The following LRP5 variants were observed in gnomAD, a reference collection of about 807,000 sequenced individuals.
LRP5 encodes the protein low-density lipoprotein receptor-related protein 5.
Under a neutral mutation model 154.1 loss-of-function variants are expected in LRP5, and 62 were observed. The ratio of observed to expected loss-of-function variants is 0.40; its 90% CI spans 0.33 to 0.50. The LOEUF (loss-of-function observed/expected upper bound fraction) is 0.50, where lower values mean the gene tolerates loss of function less well. Ranked by LOEUF, LRP5 falls within the 20% of genes least tolerant of loss-of-function variation. The pLI is 0.55. For synonymous variants in LRP5, 966 were observed against 1,011.5 expected (o/e 0.96, Z 0.85); for missense variants, 1,915 against 2,336.7 (o/e 0.82, Z 3.72).
chr11:68,325,794 G>A (rs1299768590), intron 1 of LRP5, among the ~76,000 whole-genome samples: 1 of 152,226 alleles, frequency 6.6e-6, no homozygotes, highest in Non-Finnish European at 1.5e-5. Context: ...CTGCTTCAGA[G>A]CTCAGTTTCC....
intron 10 of LRP5, 74 bp downstream of exon 10, chr11:68,410,214 G>GGT: frequency 8.1e-7 from 1 of 1,235,964 alleles, no homozygotes; most frequent in South Asian, 1.3e-5. Flanking sequence ...AACTGGGCAA[G>GGT]GTGGCAGGCT....
Position 68,363,888 on chromosome 11 carries a change from T to G in LRP5, c.828T>G (p.Ser276Arg). Residue 276 changes from serine (S) to arginine (R), a missense_variant, in exon 4 of 23, where the codon AGT becomes AGG. Ser to Arg is a moderately radical substitution (Grantham distance 110). Transcript: ENST00000294304. Reference sequence around the variant, plus strand: ...GGGGGAAGAGGAAGGAGATCCTGAGTGCCCTCTACTCACCCATGGACATCC... The same window carrying G: ...GGGGGAAGAGGAAGGAGATCCTGAGGGCCCTCTACTCACCCATGGACATCC... ...RTGGKRKEIL[S>R]ALYSPMDIQV... The G allele has an allele frequency of 6.2e-7, 1 of 1,610,984 alleles. No individual in the cohort carries two copies. The highest frequency in any genetic ancestry group is 8.5e-7 in the Non-Finnish European group (1 of 1,178,832).
chr11:68,325,958 A>AC (rs1408464087), intron 1 of LRP5, among the ~76,000 whole-genome samples: 1 of 151,022 alleles, frequency 6.6e-6, no homozygotes, highest in Non-Finnish European at 1.5e-5. Flanking sequence ...CATAGTGACG[A>AC]CCCCCCGGGG....
chr11:68,425,836 C>G lies in LRP5; in HGVS notation c.3428-142C>G, dbSNP rs191633500. 1.9e-3 allele frequency: 1,409 copies of G among 744,278 alleles called. 14 individuals are homozygous for G. Among genetic ancestry groups the G allele is most frequent in the African/African-American group, 0.019 (1,098 of 58,314 alleles). 46.1% of individuals were successfully genotyped at this position (744,278 alleles called of 1,614,324 possible). On this transcript the variant is annotated intron_variant, in intron 15 of 22. Transcript: ENST00000294304. ...TTGGGTCGGCCTGCTTCCAGGGACT[C>G]TGCTGCAGCTCCCACCCCTGTCCAA...
chr11:68,348,794 A>C (rs999370454), intron 2 of LRP5, among the ~76,000 whole-genome samples: 4 of 152,158 alleles, frequency 2.6e-5, no homozygotes, highest in Admixed American at 1.3e-4. Flanking sequence ...GTATACAAAA[A>C]TGAATCGGGT....
At chr11:68,406,463 C>A (rs1460320725) in intron 8 of LRP5, 61 bp from the exon 9 acceptor site, 41 of 1,557,350 alleles carry the variant, frequency 2.6e-5, no homozygotes, top group Non-Finnish European at 3.5e-5. Flanking sequence ...GTGGCTTGGC[C>A]GCACCCCTTT....
chr11:68,374,338 G>A (rs1452045425), intron 5 of LRP5, among the ~76,000 whole-genome samples: 1 of 152,186 alleles, frequency 6.6e-6, no homozygotes, highest in Non-Finnish European at 1.5e-5. Context: ...GTAGGTCAAA[G>A]GGAAAAAAGA....
At chr11:68,445,243 G>A (rs2098680769) in intron 21 of LRP5, among the ~76,000 whole-genome samples, 1 of 152,076 alleles carries the variant, frequency 6.6e-6, no homozygotes, top group South Asian at 2.1e-4. Context: ...GGGATTACAG[G>A]TGCCCGCCAC....
At chr11:68,408,868 T>TGA (rs1217785350) in intron 9 of LRP5, among the ~76,000 whole-genome samples, 13 of 151,400 alleles carry the variant, frequency 8.6e-5, no homozygotes, top group Non-Finnish European at 1.6e-4. Context: ...GGCAACATAG[T>TGA]GAGACCCCAT....
chr11:68,410,100 T>A lies in LRP5; in HGVS notation c.2278T>A (p.Leu760Met). The A allele has an allele frequency of 3.7e-6, 6 of 1,613,966 alleles. No individual in the cohort carries two copies. The highest frequency in any genetic ancestry group is 5.1e-6 in the Non-Finnish European group (6 of 1,180,018). Residue 760 changes from leucine (L) to methionine (M), a missense_variant, in exon 10 of 23, where the codon TTG (leucine) becomes ATG (methionine). Leu to Met is a conservative substitution (Grantham distance 15). Around this residue, in one of 3 missense-constraint regions of LRP5, gnomAD observed 773 missense variants for 1,100.9 expected, o/e 0.70. Transcript: ENST00000294304. ...QFRQVLVWRDLDNPRSLALDP... is the reference protein window; with the variant it reads ...QFRQVLVWRDMDNPRSLALDP... The stretch of plus-strand genomic sequence containing the variant: ...CCGGCAAGTCCTCGTGTGGAGGGAC[T>A]TGGACAACCCGAGGTCGCTGGCCCT...
rs541588582 is a variant in LRP5, at chr11:68,377,460, C to T, written c.1016-8856C>T. On this transcript the variant is annotated intron_variant, in intron 5 of 22. Coordinates refer to ENST00000294304, the MANE Select transcript of LRP5 (RefSeq NM_002335.4). Reference sequence around the variant, plus strand: ...TGGCCGGCCTCAGGTTCCAGCAGAGCCAGCATCGGGCCCAGCCACTTCCCT... The same window carrying T: ...TGGCCGGCCTCAGGTTCCAGCAGAGTCAGCATCGGGCCCAGCCACTTCCCT... 3.9e-5 allele frequency among the ~76,000 whole-genome samples: 6 copies of T among 152,336 alleles called. No individual in the cohort carries two copies. The South Asian group carries it at 1.2e-3, about 32-fold the overall frequency.
chr11:68,448,701 G>A (rs2098682750), intron 22 of LRP5, 108 bp from the exon 23 acceptor site: 1 of 1,400,702 alleles, frequency 7.1e-7, no homozygotes, highest in Admixed American at 1.7e-5. Context: ...TGCATCTTCT[G>A]GAGCTGGCCA....
Position 68,448,139 on chromosome 11 carries a change from C to T in LRP5, c.4587-670C>T, listed in dbSNP as rs73516827. 6.4e-3 allele frequency among the ~76,000 whole-genome samples: 981 copies of T among 152,240 alleles called. 11 individuals are homozygous for T. Among genetic ancestry groups the T allele is most frequent in the African/African-American group, 0.023 (945 of 41,540 alleles). ...GGGAACAGACAGCATGAGAACCAAG[C>T]GAAAGGGGTTTCCCCTTGTAAAACC... On this transcript the variant is annotated intron_variant, in intron 22 of 22. Coordinates refer to ENST00000294304, the MANE Select transcript of LRP5 (RefSeq NM_002335.4).
chr11:68,310,163 A>G (rs911263714), upstream of LRP5, among the ~76,000 whole-genome samples: 1 of 152,202 alleles, frequency 6.6e-6, no homozygotes, highest in Non-Finnish European at 1.5e-5. Context: ...AAGTGCTGGC[A>G]ATAGTGGGTG....
At chr11:68,382,915 A>G (rs948968053) in intron 5 of LRP5, among the ~76,000 whole-genome samples, 7 of 151,312 alleles carry the variant, frequency 4.6e-5, no homozygotes, top group African/African-American at 7.3e-5. Context: ...TCTCACCCCA[A>G]CGCGCAGGCT....
At chr11:68,304,164 C>A in the LRP5 span, among the ~76,000 whole-genome samples, 1 of 152,308 alleles carries the variant, frequency 6.6e-6, no homozygotes, top group African/African-American at 2.4e-5. Context: ...AGAATGGTTT[C>A]ATTGTCCAGG....
chr11:68,353,859 C>T lies in LRP5; in HGVS notation c.489-3791C>T, dbSNP rs964506489. Among the ~76,000 whole-genome samples the T allele has an allele frequency of 5.9e-5, 9 of 152,226 alleles. No homozygotes were observed. The highest frequency in any genetic ancestry group is 1.9e-4 in the African/African-American group (8 of 41,462). On this transcript the variant is annotated intron_variant, in intron 2 of 22. Coordinates refer to ENST00000294304, the MANE Select transcript of LRP5 (RefSeq NM_002335.4). This position sits in a 1 kb window ranked among gnomAD's most constrained non-coding sequence, Gnocchi z 4.5. ...GGGGGCCCCTCCTGAGACTCGACTT[C>T]GTTGCAGTTTCAGCAATGCAGGTGG...
chr11:68,378,470 G>C (rs76649950), intron 5 of LRP5, among the ~76,000 whole-genome samples: 1 of 151,798 alleles, frequency 6.6e-6, no homozygotes, highest in Admixed American at 6.6e-5. Flanking sequence ...TAGGTGGCTC[G>C]TTCCCCCACG....
chr11:68,443,869 G>C (rs2098679988), intron 21 of LRP5, among the ~76,000 whole-genome samples: 1 of 151,466 alleles, frequency 6.6e-6, no homozygotes. Flanking sequence ...ATGTTGGTCA[G>C]GCTGGTCTCG....
Sources: allele counts gnomAD v4.1 joint callset (sites outside exome capture counted in the v4.1 genomes callset), GRCh38; gene constraint gnomAD v4.1.1; regional missense constraint gnomAD v4.1.1; non-coding constraint Gnocchi (gnomAD v3.1); transcripts MANE v1.5; gene names NCBI Gene and HGNC (gene_info 2026-07-23, HGNC 2026-07-21).